The following KCNIP4 variants were observed in gnomAD, a reference collection of about 807,000 sequenced individuals.
KCNIP4 encodes the protein Kv channel-interacting protein 4.
Under a neutral mutation model 34.0 loss-of-function variants are expected in KCNIP4, and 12 were observed. That is an observed-to-expected ratio of 0.35 (90% CI 0.23 to 0.57). The LOEUF (loss-of-function observed/expected upper bound fraction) is 0.57, where lower values mean the gene tolerates loss of function less well. Ranked by LOEUF, KCNIP4 falls within the 20% of genes least tolerant of loss-of-function variation. The pLI, the probability that KCNIP4 is intolerant of heterozygous loss-of-function variation, is 0.83. For missense variants in KCNIP4, 238 were observed against 311.7 expected, an observed-to-expected ratio of 0.76 and a Z score of 1.78; for synonymous variants, 124 against 102.2, an observed-to-expected ratio of 1.21 and a Z score of -1.29.
chr4:21,158,232 G>A (rs532986558), intron 1 of KCNIP4, among the ~76,000 whole-genome samples: 8 of 152,088 alleles, frequency 5.3e-5, no homozygotes, highest in East Asian at 1.9e-4. Context: ...AACATACAAC[G>A]GGGAGATTAT....
intron 1 of KCNIP4, among the ~76,000 whole-genome samples, chr4:21,268,348 C>G (rs1337242948): frequency 6.6e-6 from 1 of 152,130 alleles, no homozygotes; most frequent in Non-Finnish European, 1.5e-5. Context: ...TTTAATGGAA[C>G]CAACTGAAGC....
intron 1 of KCNIP4, among the ~76,000 whole-genome samples, chr4:21,864,159 A>G (rs185664608): frequency 5.6e-4 from 86 of 152,342 alleles, no homozygotes; most frequent in Non-Finnish European, 6.3e-4. Context: ...AGTTTTCAGC[A>G]CACTTTCTCA....
At chr4:21,832,015 A>C (rs975073201) in intron 1 of KCNIP4, among the ~76,000 whole-genome samples, 4 of 152,120 alleles carry the variant, frequency 2.6e-5, no homozygotes, top group Non-Finnish European at 5.9e-5. Context: ...ACCAAATCCA[A>C]CAGCACATTA....
chr4:21,796,454 A>T (rs902127387), intron 1 of KCNIP4, among the ~76,000 whole-genome samples: 6 of 152,170 alleles, frequency 3.9e-5, no homozygotes, highest in African/African-American at 1.4e-4. Flanking sequence ...GATCTCTGGC[A>T]TCTCAAAATC....
intron 1 of KCNIP4, among the ~76,000 whole-genome samples, chr4:21,512,060 G>A (rs1047202690): frequency 9.5e-5 from 13 of 136,298 alleles, no homozygotes; most frequent in African/African-American, 3.7e-4. Flanking sequence ...AAAGAATGAA[G>A]GAAGGAAGGA....
At chr4:21,195,032 A>G (rs1755955537) in intron 1 of KCNIP4, among the ~76,000 whole-genome samples, 1 of 152,162 alleles carries the variant, frequency 6.6e-6, no homozygotes, top group Admixed American at 6.5e-5. Context: ...TGGCTTCTCA[A>G]AGGGAAACTT....
At chr4:21,240,324 T>A (rs796416009) in intron 1 of KCNIP4, among the ~76,000 whole-genome samples, 2 of 138,038 alleles carry the variant, frequency 1.4e-5, no homozygotes, top group South Asian at 4.2e-4. Flanking sequence ...TGTATACATA[T>A]GTAACAAAAC....
At chr4:20,820,454 A>T (rs1278641599) in intron 3 of KCNIP4, among the ~76,000 whole-genome samples, 1 of 152,188 alleles carries the variant, frequency 6.6e-6, no homozygotes, top group Non-Finnish European at 1.5e-5. Context: ...TGTGTGAGAG[A>T]AACAAATTAA....
intron 1 of KCNIP4, among the ~76,000 whole-genome samples, chr4:21,698,002 G>T (rs537628950): frequency 6.7e-6 from 1 of 149,998 alleles, no homozygotes; most frequent in East Asian, 1.9e-4. Context: ...GGAGAGGGAA[G>T]CATGCTGCTC....
At chr4:21,522,016 CAT>C (rs1345434242) in intron 1 of KCNIP4, among the ~76,000 whole-genome samples, 6 of 152,098 alleles carry the variant, frequency 3.9e-5, no homozygotes, top group Admixed American at 6.6e-5. Context: ...GATGGGGAAA[CAT>C]AGCAGTTTTG....
intron 1 of KCNIP4, among the ~76,000 whole-genome samples, chr4:21,235,997 T>C (rs908083064): frequency 6.6e-6 from 1 of 152,088 alleles, no homozygotes; most frequent in African/African-American, 2.4e-5. Context: ...TCATGCTTAA[T>C]AAAAATAAAT....
intron 1 of KCNIP4, among the ~76,000 whole-genome samples, chr4:21,269,112 A>G (rs1023773898): frequency 2.6e-5 from 4 of 152,224 alleles, no homozygotes; most frequent in Non-Finnish European, 5.9e-5. Context: ...GGAGAGTGAT[A>G]TAATCACAAT....
At chr4:20,802,797 C>T (rs940919305) in intron 3 of KCNIP4, among the ~76,000 whole-genome samples, 4 of 152,074 alleles carry the variant, frequency 2.6e-5, no homozygotes, top group African/African-American at 4.8e-5. Context: ...ATCTTGAAGC[C>T]GAGCGTGGTG....
At chr4:21,796,984 G>A (rs1033608367) in intron 1 of KCNIP4, among the ~76,000 whole-genome samples, 8 of 152,134 alleles carry the variant, frequency 5.3e-5, no homozygotes, top group African/African-American at 1.9e-4. Flanking sequence ...TTCTGAGCAA[G>A]AGGCTCCATT....
At chr4:21,097,433 T>C (rs1488772518) in intron 1 of KCNIP4, among the ~76,000 whole-genome samples, 3 of 152,196 alleles carry the variant, frequency 2.0e-5, no homozygotes, top group Non-Finnish European at 4.4e-5. Context: ...CTAAAGATTT[T>C]TGGCAACCCT....
rs1747436060 is a variant in KCNIP4, at chr4:20,729,727, A to ACAAATGAGTAG, written c.*344_*354dup. ...TTCAAAATCCTAGGACTGAATACAT[A>ACAAATGAGTAG]CAAATGAGTAGCAAAAAACACTGAT... is the stretch of plus-strand genomic sequence containing the variant. On this transcript the variant is annotated 3_prime_UTR_variant, in exon 9 of 9. Transcript: ENST00000382152. 5.5e-6 allele frequency: 1 copy of ACAAATGAGTAG among 182,078 alleles called. No individual in the cohort carries two copies. The highest frequency in any genetic ancestry group is 1.1e-5 in the Non-Finnish European group (1 of 88,270). The allele number at this position is 182,078 out of a possible 1,614,324, so 11.3% of individuals were successfully genotyped here. A position where few individuals can be genotyped will look rare whatever the true frequency, so the allele number is the denominator to read the frequency against.
At chr4:21,360,510 A>G (rs2109404376) in intron 1 of KCNIP4, among the ~76,000 whole-genome samples, 1 of 152,154 alleles carries the variant, frequency 6.6e-6, no homozygotes, top group East Asian at 1.9e-4. Flanking sequence ...CCTCTTTTAT[A>G]TTTAATTGTC....
At chr4:21,836,117 G>T (rs977031816) in intron 1 of KCNIP4, among the ~76,000 whole-genome samples, 4 of 152,120 alleles carry the variant, frequency 2.6e-5, no homozygotes, top group African/African-American at 9.7e-5. Context: ...TAAATTACCT[G>T]CAATGTTTTA....
chr4:21,332,908 G>T (rs1323290363), intron 1 of KCNIP4, among the ~76,000 whole-genome samples: 6 of 151,760 alleles, frequency 4.0e-5, no homozygotes, highest in Non-Finnish European at 5.9e-5. Flanking sequence ...AGTATTACCT[G>T]CCTCTCTAAT....
Sources: allele counts gnomAD v4.1 joint callset (sites outside exome capture counted in the v4.1 genomes callset), GRCh38; gene constraint gnomAD v4.1.1; transcripts MANE v1.5; gene names NCBI Gene and HGNC (gene_info 2026-07-23, HGNC 2026-07-21).